Variants in CUX1 observed in about 807,000 individuals in gnomAD.
CUX1 encodes the protein cut like homeobox 1.
In CUX1, 31 loss-of-function variants were observed where a neutral mutation model predicts 158.8. The ratio of observed to expected loss-of-function variants is 0.20; its 90% confidence interval spans 0.15 to 0.26. The LOEUF (loss-of-function observed/expected upper bound fraction) is 0.26. Ranked by LOEUF, CUX1 falls within the 10% of genes least tolerant of loss-of-function variation. The pLI is 1.00. For missense variants in CUX1, 1,589 were observed against 2,014.6 expected (o/e 0.79, Z 4.04); for synonymous variants, 879 against 862.1 (o/e 1.02, Z -0.34).
chr7:102,120,996 C>T (rs1392440743), intron 8 of CUX1, among the ~76,000 whole-genome samples: 2 of 152,068 alleles, frequency 1.3e-5, no homozygotes, highest in African/African-American at 2.4e-5. Context: ...CTGGAAGTTC[C>T]AGCCTGTAGT....
intron 2 of CUX1, among the ~76,000 whole-genome samples, chr7:101,929,959 A>C (rs892931219): frequency 6.6e-6 from 1 of 152,136 alleles, no homozygotes; most frequent in Non-Finnish European, 1.5e-5. Flanking sequence ...CTCCTACCTC[A>C]GCCTCCCAAG....
At chr7:101,954,234 TA>T (rs1809473718) in intron 2 of CUX1, among the ~76,000 whole-genome samples, 1 of 152,202 alleles carries the variant, frequency 6.6e-6, no homozygotes, top group Admixed American at 6.5e-5. Context: ...TGCACACGTG[TA>T]GCCCCAGCTA....
intron 2 of CUX1, among the ~76,000 whole-genome samples, chr7:102,003,721 T>C (rs927535021): frequency 6.6e-6 from 1 of 152,192 alleles, no homozygotes; most frequent in African/African-American, 2.4e-5. Context: ...GAATGAGATA[T>C]GTTCATGAGC....
intron 4 of CUX1, among the ~76,000 whole-genome samples, chr7:102,081,277 T>C (rs1357683828): frequency 6.7e-6 from 1 of 148,460 alleles, no homozygotes; most frequent in Non-Finnish European, 1.5e-5. Flanking sequence ...GCTCCCAAGA[T>C]AGTCAGTGAC....
rs78359248 is a variant in CUX1 at position 102,201,025 on chromosome 7, TAAAAAAAAA to T, written c.2063-314_2063-306del. On this transcript the variant is annotated intron_variant, in intron 17 of 23. Coordinates refer to ENST00000292535, the MANE Select transcript of CUX1 (RefSeq NM_181552.4). The surrounding 1 kb of genome is among the most constrained non-coding windows in gnomAD (Gnocchi z 5.0). ...CTGGACAACAGCGAGATCCTGTCGC[TAAAAAAAAA>T]AAAAAAAAAAAAAAAAAAAATTCTC... 3.6e-4 allele frequency among the ~76,000 whole-genome samples: 15 copies of T among 42,140 alleles called. No individual in the cohort carries two copies. The highest frequency in any genetic ancestry group is 1.3e-3 in the African/African-American group (13 of 9,698). The allele number at this position is 42,140 out of a possible 152,430, so 27.6% of individuals were successfully genotyped here.
At chr7:102,049,367 CAG>C (rs1432269626) in intron 3 of CUX1, among the ~76,000 whole-genome samples, 1 of 152,162 alleles carries the variant, frequency 6.6e-6, no homozygotes, top group Non-Finnish European at 1.5e-5. Flanking sequence ...TAAATGGGCC[CAG>C]AGAGATCAAG....
In CUX1 at chr7:102,042,042, G is replaced by C. The variant is rs538745533; in HGVS notation, c.189+13897G>C. Among the ~76,000 whole-genome samples the C allele has an allele frequency of 3.4e-5, 5 of 147,944 alleles. No individual in the cohort carries two copies. In the East Asian group the frequency reaches 9.7e-4, roughly 29 times the overall value. ...AGGGAGGATGTGTGTGTGAGTGTGA[G>C]TGAGTGTGTGAGTGTGTGTGTGTGT... On this transcript the variant is annotated intron_variant, in intron 3 of 23. Transcript: ENST00000292535.
At chr7:102,053,274 A>G (rs1823745596) in intron 3 of CUX1, among the ~76,000 whole-genome samples, 1 of 152,106 alleles carries the variant, frequency 6.6e-6, no homozygotes, top group South Asian at 2.1e-4. Flanking sequence ...CTTTGCCCAT[A>G]TTCTAATTCA....
chr7:101,901,883 C>T (rs1306415037), intron 1 of CUX1, among the ~76,000 whole-genome samples: 1 of 152,206 alleles, frequency 6.6e-6, no homozygotes, highest in Non-Finnish European at 1.5e-5. Flanking sequence ...TGATTCCTGC[C>T]AAACAATAGA....
intron 8 of CUX1, among the ~76,000 whole-genome samples, chr7:102,144,663 C>T (rs1834834588): frequency 2.1e-5 from 2 of 94,816 alleles, no homozygotes; most frequent in African/African-American, 5.2e-5. Flanking sequence ...AAAGCAAGAC[C>T]CTGTCTCAAA....
At chr7:102,071,546 C>G (rs1385546459) in intron 4 of CUX1, among the ~76,000 whole-genome samples, 1 of 152,180 alleles carries the variant, frequency 6.6e-6, no homozygotes, top group East Asian at 1.9e-4. Flanking sequence ...GAATTACCAC[C>G]ACCCTCCCCT....
chr7:101,821,096 G>A (rs943296365), intron 1 of CUX1, among the ~76,000 whole-genome samples: 2 of 152,114 alleles, frequency 1.3e-5, no homozygotes, highest in Non-Finnish European at 2.9e-5. Flanking sequence ...AGTTAGACAA[G>A]CAATTTAATA....
At chr7:101,899,388 A>T (rs141144684) in intron 1 of CUX1, among the ~76,000 whole-genome samples, 3,761 of 152,200 alleles carry the variant, frequency 0.025, 145 homozygotes, top group African/African-American at 0.082. Context: ...GTCTCTACTA[A>T]AAATACAAAA....
intron 3 of CUX1, among the ~76,000 whole-genome samples, chr7:102,056,318 A>G (rs1226494493): frequency 1.3e-5 from 2 of 152,210 alleles, no homozygotes; most frequent in East Asian, 1.9e-4. Context: ...GGTAAAGAGA[A>G]GTCAGTGTCT....
At chr7:102,011,954 G>A (rs977773638) in intron 2 of CUX1, among the ~76,000 whole-genome samples, 5 of 151,668 alleles carry the variant, frequency 3.3e-5, no homozygotes, top group Non-Finnish European at 4.4e-5. Flanking sequence ...GATTACAGGC[G>A]CCCATCACCA....
intron 14 of CUX1, among the ~76,000 whole-genome samples, chr7:102,270,514 A>G (rs753689972): frequency 4.8e-4 from 73 of 152,050 alleles, no homozygotes; most frequent in Admixed American, 1.2e-3. Context: ...CCTTCCCTCC[A>G]GTCTCACCGT....
chr7:102,178,850 C>T (rs75678620), intron 11 of CUX1, among the ~76,000 whole-genome samples, 193 bp downstream of exon 11: 3,437 of 152,222 alleles, frequency 0.023, 126 homozygotes, highest in African/African-American at 0.078. Flanking sequence ...GGCATCAGCC[C>T]TTGTGTAAAC....
chr7:101,980,243 C>T (rs535463534), intron 2 of CUX1, among the ~76,000 whole-genome samples: 2 of 152,292 alleles, frequency 1.3e-5, no homozygotes, highest in South Asian at 2.1e-4. Flanking sequence ...TGGGGGCTCA[C>T]ACCTGGAATC....
At position 102,234,252 on chromosome 7, in the gene CUX1, T is replaced by G; in HGVS notation, c.3622+12T>G. 6.6e-7 allele frequency: 1 copy of G among 1,515,324 alleles called. No individual in the cohort carries two copies. Among genetic ancestry groups the G allele is most frequent in the Non-Finnish European group, 8.9e-7 (1 of 1,129,004 alleles). The allele number at this position is 1,515,324 out of a possible 1,614,324, so 93.9% of individuals were successfully genotyped here. ...GATGGAGAAGAAAGGTAAGTCTCCC[T>G]GCCCCGCCCGGGCCGGCTGCGTCCG... On this transcript the variant is annotated intron_variant, in intron 22 of 23. Coordinates refer to ENST00000292535, the MANE Select transcript of CUX1 (RefSeq NM_181552.4).
Sources: allele counts gnomAD v4.1 joint callset (sites outside exome capture counted in the v4.1 genomes callset), GRCh38; gene constraint gnomAD v4.1.1; non-coding constraint Gnocchi (gnomAD v3.1); transcripts MANE v1.5; gene names NCBI Gene and HGNC (gene_info 2026-07-23, HGNC 2026-07-21).